Variants in CASR observed in about 807,000 individuals in gnomAD.
CASR encodes extracellular calcium-sensing receptor.
Under a neutral mutation model 69.1 loss-of-function variants are expected in CASR, and 23 were observed. That is an observed-to-expected ratio of 0.33 (90% CI 0.24 to 0.47). The LOEUF is 0.47. Among genes scored for constraint, CASR ranks in the 20% least tolerant of loss-of-function variants. CASR has a pLI of 1.00. For synonymous variants in CASR, 541 were observed against 544.7 expected (o/e 0.99, Z 0.10); for missense variants, 924 against 1,356.1 (o/e 0.68, Z 5.00).
intron 1 of CASR, among the ~76,000 whole-genome samples, chr3:122,197,220 G>A (rs2073899733): frequency 6.6e-6 from 1 of 152,092 alleles, no homozygotes; most frequent in Non-Finnish European, 1.5e-5. Context: ...CATTTGGCCT[G>A]GAAATATTGG....
intron 1 of CASR, among the ~76,000 whole-genome samples, chr3:122,233,601 T>C (rs9289189): frequency 0.02 from 3,112 of 152,306 alleles, 108 homozygotes; most frequent in African/African-American, 0.071. Flanking sequence ...TAAAACTGTC[T>C]CCAGAGCGAA....
chr3:122,204,763 C>T (rs1190991615), intron 1 of CASR, among the ~76,000 whole-genome samples: 2 of 152,036 alleles, frequency 1.3e-5, no homozygotes, highest in Non-Finnish European at 2.9e-5. Context: ...TTTATAAAAA[C>T]CGATTTAACT....
intron 1 of CASR, among the ~76,000 whole-genome samples, chr3:122,191,623 T>C (rs2073841037): frequency 6.6e-6 from 1 of 152,190 alleles, no homozygotes; most frequent in African/African-American, 2.4e-5. Context: ...ACGTTTAAAA[T>C]ACTTGTATAT....
intron 4 of CASR, among the ~76,000 whole-genome samples, chr3:122,272,654 G>C (rs529045755): frequency 6.6e-6 from 1 of 152,056 alleles, no homozygotes. Context: ...TATTTATGTC[G>C]TGCATTTTAT....
intron 4 of CASR, among the ~76,000 whole-genome samples, chr3:122,266,005 C>T (rs927672521): frequency 3.3e-5 from 5 of 152,114 alleles, no homozygotes; most frequent in African/African-American, 1.2e-4. Context: ...GGATCTTCCC[C>T]ATGCTCTTAC....
chr3:122,204,847 A>G (rs762880118), intron 1 of CASR, among the ~76,000 whole-genome samples: 1 of 152,106 alleles, frequency 6.6e-6, no homozygotes, highest in Admixed American at 6.6e-5. Flanking sequence ...ATTTTTTCAT[A>G]TACTTGTCAA....
intron 1 of CASR, among the ~76,000 whole-genome samples, chr3:122,218,337 C>A (rs998033284): frequency 7.5e-4 from 114 of 151,882 alleles, no homozygotes; most frequent in Middle Eastern, 3.4e-3. Context: ...AGATCAAGAC[C>A]AGCCTGGCCA....
In CASR at chr3:122,277,008, C is replaced by T. The variant is rs1405153465; in HGVS notation, c.1608+966C>T. Reference sequence around the variant, plus strand: ...CCCACCACATTTCTATTTGCATTTGCCTTTTTTATTATCACCTTTGAGCAT... The same window carrying T: ...CCCACCACATTTCTATTTGCATTTGTCTTTTTTATTATCACCTTTGAGCAT... On this transcript the variant is annotated intron_variant, in intron 5 of 6. Coordinates refer to ENST00000639785, the MANE Select transcript of CASR (RefSeq NM_000388.4). Among the ~76,000 whole-genome samples, 3 of 95,838 alleles carry T rather than the reference C, an allele frequency of 3.1e-5. No homozygotes were observed. The East Asian group carries it at 8.7e-4, about 28-fold the overall frequency. 62.9% of individuals were successfully genotyped at this position (95,838 alleles called of 152,430 possible).
intron 4 of CASR, among the ~76,000 whole-genome samples, chr3:122,265,452 C>T (rs2074682000): frequency 6.6e-6 from 1 of 152,170 alleles, no homozygotes; most frequent in South Asian, 2.1e-4. Context: ...CTTCACTACT[C>T]CTTTGCTGTA....
In CASR at chr3:122,259,978, A is replaced by G. The variant is rs539318240; in HGVS notation, c.493-1550A>G. ...AGAAGTTTAAAATCTCTCTGGAAAA[A>G]CTAGAGAACACAAGATATTAAGCTA... On this transcript the variant is annotated intron_variant, in intron 3 of 6. Coordinates refer to ENST00000639785, the MANE Select transcript of CASR (RefSeq NM_000388.4). 8.5e-5 allele frequency among the ~76,000 whole-genome samples: 13 copies of G among 152,328 alleles called. 1 individual carries two copies. In the South Asian group the frequency reaches 2.7e-3, roughly 32 times the overall value.
rs997367179 is a variant in CASR, at chr3:122,279,525, G to C, written c.1609-2588G>C. Among the ~76,000 whole-genome samples the C allele has an allele frequency of 5.3e-5, 8 of 152,264 alleles. No homozygotes were observed. The East Asian group carries it at 9.6e-4, about 18-fold the overall frequency. Reference sequence around the variant, plus strand: ...AACATCATCTGCTAGTAGAGTTAGTGGTGAATGTACAGGAACGTAATGATA... The same window carrying C: ...AACATCATCTGCTAGTAGAGTTAGTCGTGAATGTACAGGAACGTAATGATA... On this transcript the variant is annotated intron_variant, in intron 5 of 6. Transcript: ENST00000639785.
intron 1 of CASR, among the ~76,000 whole-genome samples, chr3:122,196,683 C>T (rs533737902): frequency 2.0e-5 from 3 of 152,098 alleles, no homozygotes; most frequent in Non-Finnish European, 2.9e-5. Flanking sequence ...GGACTACAGG[C>T]GTGCCCCACC....
chr3:122,272,292 C>A (rs4678173), intron 4 of CASR, among the ~76,000 whole-genome samples: 41,579 of 152,108 alleles, frequency 0.27, 6,445 homozygotes, highest in Non-Finnish European at 0.36. Context: ...TAATCCAATA[C>A]TTTTTAATGT....
chr3:122,196,253 C>T (rs916652837), intron 1 of CASR, among the ~76,000 whole-genome samples: 1 of 151,856 alleles, frequency 6.6e-6, no homozygotes, highest in African/African-American at 2.4e-5. Context: ...ATAACATATA[C>T]AACATATGGT....
At chr3:122,201,776 A>AGACGGGGC (rs1490056119) in intron 1 of CASR, among the ~76,000 whole-genome samples, 1 of 150,930 alleles carries the variant, frequency 6.6e-6, no homozygotes, top group Non-Finnish European at 1.5e-5. Context: ...CTCACTTCTC[A>AGACGGGGC]GACGGGGCAG....
chr3:122,242,304 T>A (rs2074386013), intron 1 of CASR, among the ~76,000 whole-genome samples: 1 of 152,088 alleles, frequency 6.6e-6, no homozygotes, highest in Non-Finnish European at 1.5e-5. Flanking sequence ...CCAAAAAAAC[T>A]ATTAGAATCA....
chr3:122,207,955 C>T (rs1233038637), intron 1 of CASR, among the ~76,000 whole-genome samples: 1 of 152,034 alleles, frequency 6.6e-6, no homozygotes, highest in Non-Finnish European at 1.5e-5. Flanking sequence ...AAGTCCCCTA[C>T]TATTACTGTA....
intron 1 of CASR, among the ~76,000 whole-genome samples, chr3:122,200,768 G>C (rs566392558): frequency 6.6e-6 from 1 of 152,086 alleles, no homozygotes; most frequent in African/African-American, 2.4e-5. Context: ...AAACATTTAT[G>C]CTTATTAGAC....
At chr3:122,244,642 G>A (rs745616312) in intron 1 of CASR, among the ~76,000 whole-genome samples, 3 of 152,180 alleles carry the variant, frequency 2.0e-5, no homozygotes, top group Admixed American at 6.5e-5. Context: ...TGGGGGCTCC[G>A]GAGTTCTGGT....
Sources: gnomAD v4.1 joint callset for allele counts (sites outside exome capture counted in the v4.1 genomes callset) on GRCh38, gnomAD v4.1.1 for gene constraint, MANE v1.5 for transcripts, NCBI Gene and HGNC (gene_info 2026-07-23, HGNC 2026-07-21) for gene names.